The following SCGB2B2 variants were observed in gnomAD, a reference collection of about 807,000 sequenced individuals.
SCGB2B2 encodes secretoglobin family 2B member 2, also known as secretoglobin-like protein.
In SCGB2B2, 11 loss-of-function variants were observed where a neutral mutation model predicts 7.6. The observed-to-expected ratio is 1.45, with a 90% confidence interval of 0.91 to 2.40. The LOEUF is 2.40. SCGB2B2 is among the 30% of genes most tolerant of loss of function. The pLI is 0.00. For missense variants in SCGB2B2, 104 were observed against 115.4 expected, an observed-to-expected ratio of 0.90 and a Z score of 0.45; for synonymous variants, 50 against 48.6, an observed-to-expected ratio of 1.03 and a Z score of -0.12.
intron 1 of SCGB2B2, among the ~76,000 whole-genome samples, chr19:34,644,654 C>T (rs1415970191): frequency 6.6e-6 from 1 of 152,042 alleles, no homozygotes; most frequent in Non-Finnish European, 1.5e-5. Context: ...TGTCCTTTTG[C>T]GTCTGGCTTA....
At chr19:34,662,962 A>AC (rs35140779) in intron 1 of SCGB2B2, among the ~76,000 whole-genome samples, 13,926 of 151,078 alleles carry the variant, frequency 0.092, 793 homozygotes, top group Middle Eastern at 0.21. Context: ...AAACAAACAA[A>AC]AAAAAACAAT....
chr19:34,599,142 T>G (rs563968663), intron 1 of SCGB2B2, among the ~76,000 whole-genome samples: 34 of 152,252 alleles, frequency 2.2e-4, no homozygotes, highest in Non-Finnish European at 4.0e-4. Flanking sequence ...ACCTTAGAGT[T>G]CTGGGACAGG....
intron 1 of SCGB2B2, among the ~76,000 whole-genome samples, chr19:34,661,390 AG>A (rs2067452904): frequency 1.3e-5 from 2 of 152,236 alleles, no homozygotes; most frequent in Non-Finnish European, 2.9e-5. Context: ...AGTGTTATGG[AG>A]AGGAATATTC....
At chr19:34,633,818 G>A (rs185303489) in intron 1 of SCGB2B2, among the ~76,000 whole-genome samples, 104 of 152,176 alleles carry the variant, frequency 6.8e-4, no homozygotes, top group African/African-American at 2.4e-3. Context: ...AAAAAATCTG[G>A]GTCTCCTGCT....
intron 1 of SCGB2B2, among the ~76,000 whole-genome samples, chr19:34,660,036 G>A (rs944986561): frequency 6.6e-6 from 1 of 152,164 alleles, no homozygotes; most frequent in Non-Finnish European, 1.5e-5. Context: ...AACAGGGAAA[G>A]GATTCCCTAT....
intron 1 of SCGB2B2, among the ~76,000 whole-genome samples, chr19:34,636,711 CAT>C (rs2066690068): frequency 6.6e-6 from 1 of 152,140 alleles, no homozygotes; most frequent in South Asian, 2.1e-4. Context: ...GAATGCAAAA[CAT>C]AGAAAAGAGT....
At chr19:34,666,892 C>T (rs913266517) in intron 1 of SCGB2B2, among the ~76,000 whole-genome samples, 7 of 152,168 alleles carry the variant, frequency 4.6e-5, no homozygotes, top group African/African-American at 1.7e-4. Context: ...TCCCAAGAAA[C>T]TATGCCCGCA....
At chr19:34,633,354 C>T (rs1034392718) in intron 1 of SCGB2B2, among the ~76,000 whole-genome samples, 2 of 152,092 alleles carry the variant, frequency 1.3e-5, no homozygotes, top group South Asian at 4.1e-4. Flanking sequence ...TTTGTAATAG[C>T]CCCAAACTAG....
chr19:34,593,639 G>A, intron 3 of SCGB2B2, 40 bp from the exon 4 acceptor site: 1 of 1,520,896 alleles, frequency 6.6e-7, no homozygotes, highest in Non-Finnish European at 8.9e-7. Context: ...GGTGGCCTCT[G>A]TGAAAGGCTC....
chr19:34,668,811 C>CT (rs1374876303), intron 1 of SCGB2B2, among the ~76,000 whole-genome samples: 6 of 152,112 alleles, frequency 3.9e-5, no homozygotes, highest in Non-Finnish European at 7.4e-5. Flanking sequence ...ACCTTTGTGT[C>CT]TAGCTCAGGG....
rs3055684 is a variant in SCGB2B2 at position 34,594,652 on chromosome 19, CGTGTGT to C, written c.-95_-90del. 44,539 of 655,442 alleles carry C rather than the reference CGTGTGT, an allele frequency of 0.068. 961 individuals carry two copies. The highest frequency in any genetic ancestry group is 0.21 in the Admixed American group (9,050 of 43,652). 40.6% of individuals were successfully genotyped at this position (655,442 alleles called of 1,614,324 possible). ...TATCTGAACAAGGCACATGCCTCTT[CGTGTGT>C]GTGTGTGTGTGTGTGTGTGTGTGTG... On this transcript the variant is annotated 5_prime_UTR_variant, in exon 2 of 4. Transcript: ENST00000601241.
chr19:34,642,920 G>T (rs1003443121), intron 1 of SCGB2B2, among the ~76,000 whole-genome samples: 1 of 152,124 alleles, frequency 6.6e-6, no homozygotes, highest in African/African-American at 2.4e-5. Flanking sequence ...AGACGCTAGT[G>T]AGGATATGGA....
At chr19:34,650,995 C>A (rs1169296829) in intron 1 of SCGB2B2, among the ~76,000 whole-genome samples, 1 of 151,206 alleles carries the variant, frequency 6.6e-6, no homozygotes, top group Non-Finnish European at 1.5e-5. Flanking sequence ...AGAATGAGTA[C>A]AAGAAGCATA....
chr19:34,611,005 A>G (rs1056432176), intron 1 of SCGB2B2, among the ~76,000 whole-genome samples: 1 of 152,058 alleles, frequency 6.6e-6, no homozygotes, highest in Non-Finnish European at 1.5e-5. Flanking sequence ...ATTACTTGCA[A>G]TTGCTCAATT....
intron 1 of SCGB2B2, among the ~76,000 whole-genome samples, chr19:34,657,998 T>C (rs1457440714): frequency 2.0e-5 from 3 of 152,170 alleles, no homozygotes; most frequent in African/African-American, 4.8e-5. Context: ...GAATGACTAC[T>C]GGGTAAATAA....
Position 34,669,714 on chromosome 19 carries a change from T to TACACACATACACACACACACACAC in SCGB2B2, c.-2032+5915_-2032+5916insGTGTGTGTGTGTGTGTATGTGTGT, listed in dbSNP as rs1555750459. On this transcript the variant is annotated intron_variant, in intron 1 of 3. Coordinates refer to ENST00000601241, the MANE Select transcript of SCGB2B2 (RefSeq NM_001025591.4). Reference sequence around the variant, plus strand: ...TCTGCAGACCTGCCCTGCCCCCACTTACACACACACACACACGAAGAGGTG... The same window carrying TACACACATACACACACACACACAC: ...TCTGCAGACCTGCCCTGCCCCCACTTACACACATACACACACACACACACACACACACACACACACGAAGAGGTG... 2.1e-4 allele frequency among the ~76,000 whole-genome samples: 30 copies of TACACACATACACACACACACACAC among 139,578 alleles called. No individual in the cohort carries two copies. In the East Asian group the frequency reaches 2.3e-3, roughly 11 times the overall value. The allele number at this position is 139,578 out of a possible 152,430, so 91.6% of individuals were successfully genotyped here. A position where few individuals can be genotyped will look rare whatever the true frequency, so the allele number is the denominator to read the frequency against.
intron 1 of SCGB2B2, among the ~76,000 whole-genome samples, chr19:34,630,377 T>C (rs2066495300): frequency 6.6e-6 from 1 of 151,832 alleles, no homozygotes; most frequent in African/African-American, 2.4e-5. Context: ...GACAAAGGGC[T>C]AATATCCAGA....
At chr19:34,631,863 A>G (rs914455276) in intron 1 of SCGB2B2, 3 of 152,190 alleles carry the variant, frequency 2.0e-5, no homozygotes, top group African/African-American at 7.2e-5. Context: ...TTAAAGGAAT[A>G]CATTGCCTGA....
rs1396494212 is a variant in SCGB2B2, at chr19:34,668,227, G to A, written c.-2032+7403C>T. Among the ~76,000 whole-genome samples, 9 of 152,314 alleles carry A rather than the reference G, an allele frequency of 5.9e-5. No homozygotes were observed. The East Asian group carries it at 1.7e-3, about 29-fold the overall frequency. ...GCGAGCGGGAACCGGGGCTGAGCGTGGCGCTTGCGAGCCAGCTGGAGTTCC... is the reference window on the plus strand; with the variant it reads ...GCGAGCGGGAACCGGGGCTGAGCGTAGCGCTTGCGAGCCAGCTGGAGTTCC... On this transcript the variant is annotated intron_variant, in intron 1 of 3. Transcript: ENST00000601241.
Sources: allele counts gnomAD v4.1 joint callset (sites outside exome capture counted in the v4.1 genomes callset), GRCh38; gene constraint gnomAD v4.1.1; transcripts MANE v1.5; gene names NCBI Gene and HGNC (gene_info 2026-07-23, HGNC 2026-07-21).